Variants in SMYD3 observed in about 807,000 individuals in gnomAD.
SMYD3 encodes the protein histone-lysine N-methyltransferase SMYD3.
In SMYD3, 36 loss-of-function variants were observed where a neutral mutation model predicts 57.7. The ratio of observed to expected loss-of-function variants is 0.62; its 90% confidence interval spans 0.48 to 0.82. SMYD3 has a LOEUF of 0.82. Ranked by LOEUF, SMYD3 falls within the 40% of genes least tolerant of loss-of-function variation. The probability of loss-of-function intolerance (pLI) is 0.00; values close to 1 mark genes in which losing one functional copy is unlikely to be tolerated. For synonymous variants in SMYD3, 211 were observed against 195.0 expected, an observed-to-expected ratio of 1.08 and a Z score of -0.68; for missense variants, 515 against 538.8, an observed-to-expected ratio of 0.96 and a Z score of 0.44.
chr1:245,769,966 C>A (rs1268750559), intron 10 of SMYD3, among the ~76,000 whole-genome samples: 2 of 152,146 alleles, frequency 1.3e-5, no homozygotes, highest in African/African-American at 2.4e-5. Flanking sequence ...TGTTCTGCAT[C>A]CAGTTCAATC....
chr1:245,930,125 A>G (rs1410881619), intron 5 of SMYD3, 188 bp from the exon 6 acceptor site: 1 of 627,970 alleles, frequency 1.6e-6, no homozygotes, highest in Non-Finnish European at 3.0e-6. Context: ...CCCTAAAAAC[A>G]TCAGGTGGTT....
chr1:246,283,877 C>T (rs188727508), intron 5 of SMYD3, among the ~76,000 whole-genome samples: 25 of 152,252 alleles, frequency 1.6e-4, no homozygotes, highest in Admixed American at 1.1e-3. Context: ...TTACACACAA[C>T]CTTCAGGTAC....
chr1:245,915,969 A>AATAAAT (rs766217096), intron 7 of SMYD3, among the ~76,000 whole-genome samples: 135 of 152,342 alleles, frequency 8.9e-4, no homozygotes, highest in Non-Finnish European at 1.5e-3. Context: ...AAGGTTTGCT[A>AATAAAT]ATAAATTCTA....
intron 5 of SMYD3, among the ~76,000 whole-genome samples, chr1:246,265,039 T>C (rs1467750658): frequency 6.6e-6 from 1 of 152,126 alleles, no homozygotes; most frequent in Non-Finnish European, 1.5e-5. Context: ...GCTAATGAAA[T>C]AATCCTGCTA....
At chr1:245,981,717 T>C (rs1320352535) in intron 5 of SMYD3, among the ~76,000 whole-genome samples, 1 of 152,224 alleles carries the variant, frequency 6.6e-6, no homozygotes, top group South Asian at 2.1e-4. Context: ...AATGATCCTT[T>C]AATGTTAATA....
chr1:245,930,567 CTG>C (rs1224573497), intron 5 of SMYD3: 1 of 163,940 alleles, frequency 6.1e-6, no homozygotes, highest in Non-Finnish European at 1.3e-5. Context: ...ACACAATCGA[CTG>C]TGCTCAAGGA....
chr1:246,459,090 C>G (rs1232929845), intron 1 of SMYD3, among the ~76,000 whole-genome samples: 1 of 152,160 alleles, frequency 6.6e-6, no homozygotes, highest in Non-Finnish European at 1.5e-5. Context: ...CAGACTTCCC[C>G]GTGCTGTTCT....
At chr1:246,162,068 G>A (rs907669555) in intron 5 of SMYD3, among the ~76,000 whole-genome samples, 1 of 152,190 alleles carries the variant, frequency 6.6e-6, no homozygotes, top group Non-Finnish European at 1.5e-5. Context: ...GTACCTGGCC[G>A]GCTAAGCAAC....
At chr1:245,884,753 C>T (rs12748838) in intron 8 of SMYD3, among the ~76,000 whole-genome samples, 1 of 151,514 alleles carries the variant, frequency 6.6e-6, no homozygotes, top group Non-Finnish European at 1.5e-5. Flanking sequence ...TGTAAAAACG[C>T]ACCAATCAGC....
At chr1:246,112,904 G>A (rs1237284863) in intron 5 of SMYD3, among the ~76,000 whole-genome samples, 1 of 152,128 alleles carries the variant, frequency 6.6e-6, no homozygotes, top group Non-Finnish European at 1.5e-5. Flanking sequence ...AATTTAGGCG[G>A]GGCACAGTGG....
In SMYD3 at chr1:246,377,974, T is replaced by A. The variant is rs554169906; in HGVS notation, c.165-22880A>T. 2.6e-5 allele frequency among the ~76,000 whole-genome samples: 4 copies of A among 152,348 alleles called. No homozygotes were observed. In the East Asian group the frequency reaches 7.7e-4, roughly 29 times the overall value. ...TCTGCCGGTCTGATGGGTGAAAATG[T>A]TATCTCAATGTGCTTTCCCTTGACA... On this transcript the variant is annotated intron_variant, in intron 1 of 11. Transcript: ENST00000490107.
chr1:246,010,767 T>A (rs1321097732), intron 5 of SMYD3, among the ~76,000 whole-genome samples: 1 of 152,234 alleles, frequency 6.6e-6, no homozygotes, highest in African/African-American at 2.4e-5. Context: ...AGGCATTAGA[T>A]ATTAACTATG....
chr1:245,759,110 A>G (rs949058725), intron 11 of SMYD3, among the ~76,000 whole-genome samples: 1 of 152,130 alleles, frequency 6.6e-6, no homozygotes, highest in African/African-American at 2.4e-5. Flanking sequence ...CGACTTAATC[A>G]CTGTGTTTGC....
chr1:246,036,503 C>T lies in SMYD3; in HGVS notation c.532-106566G>A, dbSNP rs2059773530. Among the ~76,000 whole-genome samples, 9 of 151,452 alleles carry T rather than the reference C, an allele frequency of 5.9e-5. No individual in the cohort carries two copies. In the South Asian group the frequency reaches 1.7e-3, roughly 28 times the overall value. On this transcript the variant is annotated intron_variant, in intron 5 of 11. Transcript: ENST00000490107. ...TTTACACAAATAACCATAAACTACA[C>T]ATCCTATTTTATTTTCTCTGTACTC...
At chr1:245,914,946 T>C (rs1262724580) in intron 8 of SMYD3, among the ~76,000 whole-genome samples, 1 of 151,854 alleles carries the variant, frequency 6.6e-6, no homozygotes, top group Non-Finnish European at 1.5e-5. Context: ...GGGGTTGGGG[T>C]AGGGGTGGTA....
intron 5 of SMYD3, among the ~76,000 whole-genome samples, chr1:246,015,296 C>T (rs756835495): frequency 6.6e-6 from 1 of 152,120 alleles, no homozygotes; most frequent in Non-Finnish European, 1.5e-5. Flanking sequence ...TTGGCCACTC[C>T]ACTAGCCACA....
rs185808943 is a variant in SMYD3 at position 246,324,464 on chromosome 1, T to C, written c.531+2737A>G. Among the ~76,000 whole-genome samples the C allele has an allele frequency of 2.7e-5, 4 of 147,478 alleles. No homozygotes were observed. In the East Asian group the frequency reaches 7.9e-4, roughly 29 times the overall value. On this transcript the variant is annotated intron_variant, in intron 5 of 11. Coordinates refer to ENST00000490107, the MANE Select transcript of SMYD3 (RefSeq NM_001167740.2). ...GATGGGCTAAAACATAAGCTTAGTA[T>C]GTCTATTATCTGCACAGAACCTGAA... is the stretch of plus-strand genomic sequence containing the variant.
In SMYD3 at chr1:246,232,561, G is replaced by A. The variant is rs72475070; in HGVS notation, c.531+94640C>T. On this transcript the variant is annotated intron_variant, in intron 5 of 11. Transcript: ENST00000490107. ...TGAACATATACCACACAGAGGAGAA[G>A]CGCTCCTCAATTCACACTGTGATGA... Among the ~76,000 whole-genome samples the A allele has an allele frequency of 9.6e-3, 966 of 100,198 alleles. 31 individuals are homozygous for A. The highest frequency in any genetic ancestry group is 0.07 in the East Asian group (77 of 1,096). The allele number at this position is 100,198 out of a possible 152,430, so 65.7% of individuals were successfully genotyped here. A position where few individuals can be genotyped will look rare whatever the true frequency, so the allele number is the denominator to read the frequency against.
intron 5 of SMYD3, among the ~76,000 whole-genome samples, chr1:246,074,450 A>C (rs1183420937): frequency 2.6e-5 from 4 of 152,172 alleles, no homozygotes; most frequent in Non-Finnish European, 1.5e-5. Flanking sequence ...CTCCTCCCAT[A>C]TATAACATAC....
Sources: gnomAD v4.1 joint callset for allele counts (sites outside exome capture counted in the v4.1 genomes callset) on GRCh38, gnomAD v4.1.1 for gene constraint, MANE v1.5 for transcripts, NCBI Gene and HGNC (gene_info 2026-07-23, HGNC 2026-07-21) for gene names.